UST: variants seen among roughly 807,000 people sequenced by gnomAD.
The protein encoded by UST is uronyl 2-sulfotransferase, also known as chondroitin sulfate 2-O-sulfotransferase.
A neutral mutation model predicts 45.6 loss-of-function variants in UST; 21 were observed. That is an observed-to-expected ratio of 0.46 (90% CI 0.33 to 0.66). The LOEUF is 0.66. Among genes scored for constraint, UST ranks in the 30% least tolerant of loss-of-function variants. UST has a pLI of 0.02. For synonymous variants in UST, 215 were observed against 200.6 expected (o/e 1.07, Z -0.61); for missense variants, 463 against 512.4 (o/e 0.90, Z 0.93).
intron 1 of UST, among the ~76,000 whole-genome samples, chr6:148,821,441 G>C (rs1305713550): frequency 6.6e-6 from 1 of 152,174 alleles, no homozygotes; most frequent in South Asian, 2.1e-4. Flanking sequence ...TAGCAAGTAC[G>C]TGAGGCTGAC....
At chr6:148,842,101 G>A (rs909180451) in intron 1 of UST, among the ~76,000 whole-genome samples, 4 of 152,132 alleles carry the variant, frequency 2.6e-5, no homozygotes, top group Non-Finnish European at 4.4e-5. Flanking sequence ...GTGAGACTCT[G>A]TCCCAAGAAC....
chr6:148,888,493 C>G (rs1463896078), intron 2 of UST, among the ~76,000 whole-genome samples: 30 of 152,320 alleles, frequency 2.0e-4, no homozygotes, highest in Admixed American at 2.0e-3. Flanking sequence ...CACTTTCTAG[C>G]TGTGTGACAG....
At chr6:148,776,955 C>A (rs1776546737) in intron 1 of UST, among the ~76,000 whole-genome samples, 1 of 152,166 alleles carries the variant, frequency 6.6e-6, no homozygotes. Context: ...TTGGCCTTGT[C>A]CCTGCTCTCA....
intron 1 of UST, among the ~76,000 whole-genome samples, chr6:148,815,396 G>A (rs1413437348): frequency 6.6e-6 from 1 of 152,166 alleles, no homozygotes; most frequent in Admixed American, 6.5e-5. Context: ...AGAAGACAGT[G>A]TTGGAATAAG....
intron 3 of UST, among the ~76,000 whole-genome samples, chr6:148,946,686 T>C (rs1301012965): frequency 6.7e-6 from 1 of 148,820 alleles, no homozygotes; most frequent in African/African-American, 2.5e-5. Flanking sequence ...TGGTGGCGGG[T>C]GCCTGTAGTC....
chr6:148,785,359 T>A (rs1358894941), intron 1 of UST, among the ~76,000 whole-genome samples: 2 of 152,160 alleles, frequency 1.3e-5, no homozygotes, highest in Non-Finnish European at 2.9e-5. Context: ...GCTAGATGAT[T>A]TGGGGACAAC....
chr6:148,888,068 T>G (rs561741037), intron 2 of UST, among the ~76,000 whole-genome samples: 40 of 152,242 alleles, frequency 2.6e-4, no homozygotes, highest in African/African-American at 9.1e-4. Context: ...ATTTAAAAAA[T>G]TCCACAGGCT....
intron 7 of UST, among the ~76,000 whole-genome samples, chr6:149,049,702 GC>G (rs993051562): frequency 6.6e-5 from 10 of 152,104 alleles, no homozygotes; most frequent in Non-Finnish European, 4.4e-5. Flanking sequence ...TGCACCCGCA[GC>G]AACACTGATG....
intron 1 of UST, among the ~76,000 whole-genome samples, chr6:148,765,920 T>A (rs1276539770): frequency 6.6e-6 from 1 of 152,234 alleles, no homozygotes; most frequent in African/African-American, 2.4e-5. Context: ...CATTCTTGTC[T>A]TGTTCCAGTT....
chr6:148,924,548 G>A (rs1779774798), intron 2 of UST, among the ~76,000 whole-genome samples: 1 of 152,170 alleles, frequency 6.6e-6, no homozygotes. Context: ...AAGGGGAGAG[G>A]AGACTGGCAC....
rs751168089 is a variant in UST, at chr6:148,941,300, G to C, written c.313G>C (p.Val105Leu). 4 of 1,612,666 alleles carry C rather than the reference G, an allele frequency of 2.5e-6. No individual in the cohort carries two copies. The Admixed American group carries it at 6.7e-5, about 27-fold the overall frequency. ...CCAGGTACTACCTTTCCCAAGCCAG[G>C]TGGTGTACAACAGGGTAGGCAAGTG... ...PSKVLPFPSQ[V>L]VYNRVGKCGS... The change falls in exon 3 of 8, where the codon GTG becomes CTG. Residue 105 changes from valine to leucine, a missense_variant. Coordinates refer to ENST00000367463, the MANE Select transcript of UST (RefSeq NM_005715.3).
chr6:148,800,774 ATTTTTTTTT>A (rs35096958), intron 1 of UST, among the ~76,000 whole-genome samples: 4 of 116,962 alleles, frequency 3.4e-5, no homozygotes, highest in South Asian at 5.8e-4. Flanking sequence ...TTCAGATCAG[ATTTTTTTTT>A]TTTTTTTTTT....
chr6:149,021,273 G>T (rs747026240), intron 6 of UST, 51 bp from the exon 7 acceptor site: 43 of 1,536,458 alleles, frequency 2.8e-5, no homozygotes, highest in Non-Finnish European at 3.7e-5. Flanking sequence ...GCATCTTGCT[G>T]CATTTCAAAT....
chr6:148,914,826 T>C (rs1449302807), intron 2 of UST, among the ~76,000 whole-genome samples: 3 of 152,158 alleles, frequency 2.0e-5, no homozygotes, highest in Non-Finnish European at 4.4e-5. Flanking sequence ...ATCTAATATA[T>C]ACATTGATAT....
chr6:149,023,101 G>GGTGTGT (rs61544082), intron 7 of UST, among the ~76,000 whole-genome samples: 120 of 143,442 alleles, frequency 8.4e-4, no homozygotes, highest in Middle Eastern at 3.6e-3. Flanking sequence ...CTTGTTCTAT[G>GGTGTGT]GTGTGTGTGT....
chr6:148,748,760 C>CGAT lies in UST; in HGVS notation c.247+1086_247+1088dup, dbSNP rs1454097280. 6.6e-6 allele frequency among the ~76,000 whole-genome samples: 1 copy of CGAT among 152,024 alleles called. No homozygotes were observed. The highest frequency in any genetic ancestry group is 2.4e-5 in the African/African-American group (1 of 41,364). ...GAAGTGATAAGCCTGAGCATCTGCA[C>CGAT]GATGAGAGCGAGTGCGGGGAAGCAG... On this transcript the variant is annotated intron_variant, in intron 1 of 7. Transcript: ENST00000367463. The surrounding 1 kb of genome is among the most constrained non-coding windows in gnomAD (Gnocchi z 5.3).
intron 1 of UST, among the ~76,000 whole-genome samples, chr6:148,832,450 T>C (rs1777707278): frequency 6.6e-6 from 1 of 152,186 alleles, no homozygotes; most frequent in African/African-American, 2.4e-5. Flanking sequence ...TTACATGTCT[T>C]AGTATGAAGC....
chr6:148,879,422 A>G (rs1040069429), intron 1 of UST, among the ~76,000 whole-genome samples: 1 of 152,256 alleles, frequency 6.6e-6, no homozygotes, highest in Admixed American at 6.5e-5. Context: ...TATGAAGTAC[A>G]TGAATTTGTG....
At chr6:149,057,209 G>A (rs140644427) in intron 7 of UST, among the ~76,000 whole-genome samples, 219 of 152,272 alleles carry the variant, frequency 1.4e-3, no homozygotes, top group African/African-American at 4.8e-3. Context: ...TTTCGTCTCC[G>A]TGATTGTAGT....
Sources: allele counts gnomAD v4.1 joint callset (sites outside exome capture counted in the v4.1 genomes callset), GRCh38; gene constraint gnomAD v4.1.1; non-coding constraint Gnocchi (gnomAD v3.1); transcripts MANE v1.5; gene names NCBI Gene and HGNC (gene_info 2026-07-23, HGNC 2026-07-21).